The following FBXO21 variants were observed in gnomAD, a reference collection of about 807,000 sequenced individuals.
The protein encoded by FBXO21 is F-box only protein 21.
Under a neutral mutation model 76.6 loss-of-function variants are expected in FBXO21, and 32 were observed. The observed-to-expected ratio is 0.42, with a 90% CI of 0.32 to 0.56. FBXO21 has a LOEUF of 0.56. FBXO21 is among the 20% of genes least tolerant of loss of function. The probability of loss-of-function intolerance (pLI) is 0.16; values close to 1 mark genes in which losing one functional copy is unlikely to be tolerated. For synonymous variants in FBXO21, 328 were observed against 311.5 expected (o/e 1.05, Z -0.56); for missense variants, 586 against 797.3 (o/e 0.73, Z 3.19).
At position 117,155,848 on chromosome 12, in the gene FBXO21, G is replaced by C; in HGVS notation, c.1618C>G (p.His540Asp). 6.2e-7 allele frequency: 1 copy of C among 1,614,216 alleles called. No homozygotes were observed. ...MNVHSLPHGH[H>D]QPFYNVLVED... ...ACCAGCACGTTATAGAAAGGCTGGT[G>C]GTGGCCGTGCGGCAGGCTGTGGACG... is the stretch of plus-strand genomic sequence containing the variant. The change falls in exon 11 of 12, where the codon CAC becomes GAC. Residue 540 changes from histidine to aspartate, a missense_variant. Physicochemically the swap from His to Asp is moderately conservative, Grantham distance 81. Coordinates refer to ENST00000622495, the MANE Select transcript of FBXO21 (RefSeq NM_015002.3).
At chr12:117,184,970 C>G (rs1433672227) in intron 3 of FBXO21, among the ~76,000 whole-genome samples, 1 of 152,004 alleles carries the variant, frequency 6.6e-6, no homozygotes, top group Non-Finnish European at 1.5e-5. Flanking sequence ...AGAATGCAAC[C>G]TGGGCTGTTA....
chr12:117,168,058 T>C (rs1956075634), intron 7 of FBXO21, among the ~76,000 whole-genome samples: 1 of 152,228 alleles, frequency 6.6e-6, no homozygotes, highest in African/African-American at 2.4e-5. Flanking sequence ...TGAGGACTCA[T>C]GGAATCCTCA....
chr12:117,144,834 A>AC lies in FBXO21; in HGVS notation c.*1252dup, dbSNP rs1955750430. ...TCGGAAAGGAGCCAGTGCCGTCCGAACACACGGTCAGGCTTTCCCAGAAGA... is the reference window on the plus strand; with the variant it reads ...TCGGAAAGGAGCCAGTGCCGTCCGAACCACACGGTCAGGCTTTCCCAGAAGA... On this transcript the variant is annotated 3_prime_UTR_variant, in exon 12 of 12. Coordinates refer to ENST00000622495, the MANE Select transcript of FBXO21 (RefSeq NM_015002.3). The AC allele has an allele frequency of 1.3e-5, 2 of 152,154 alleles. No homozygotes were observed. Among genetic ancestry groups the AC allele is most frequent in the Non-Finnish European group, 2.9e-5 (2 of 68,040 alleles). 9.4% of individuals were successfully genotyped at this position (152,154 alleles called of 1,614,324 possible). A position where few individuals can be genotyped will look rare whatever the true frequency, so the allele number is the denominator to read the frequency against.
intron 3 of FBXO21, among the ~76,000 whole-genome samples, chr12:117,178,988 G>A (rs555804735): frequency 6.6e-6 from 1 of 152,180 alleles, no homozygotes; most frequent in Non-Finnish European, 1.5e-5. Flanking sequence ...AACACTTGTT[G>A]AGTGGATAAA....
chr12:117,165,377 T>G (rs761292525), intron 9 of FBXO21, 108 bp downstream of exon 9: 6 of 1,116,776 alleles, frequency 5.4e-6, no homozygotes, highest in African/African-American at 1.6e-5. Context: ...CTGAATAAAT[T>G]TGTGTTTATT....
At position 117,175,534 on chromosome 12, in the gene FBXO21, T is replaced by C. The variant is rs142097303; in HGVS notation, c.593-737A>G. 1.8e-4 allele frequency among the ~76,000 whole-genome samples: 27 copies of C among 152,346 alleles called. No homozygotes were observed. The East Asian group carries it at 5.2e-3, about 29-fold the overall frequency. On this transcript the variant is annotated intron_variant, in intron 4 of 11. Coordinates refer to ENST00000622495, the MANE Select transcript of FBXO21 (RefSeq NM_015002.3). ...AGAGATCTCAGACCAGCTCAGAACC[T>C]GGACTCCCTTACCAATGCTCCAGAG...
At chr12:117,154,593 T>C (rs1460163600) in intron 11 of FBXO21, among the ~76,000 whole-genome samples, 3 of 152,138 alleles carry the variant, frequency 2.0e-5, no homozygotes, top group Admixed American at 2.0e-4. Flanking sequence ...TGCTGTGTTG[T>C]AGCTGGGAAC....
chr12:117,164,274 CTTTTTTTTT>C (rs538169408), intron 9 of FBXO21, among the ~76,000 whole-genome samples: 17 of 126,864 alleles, frequency 1.3e-4, no homozygotes, highest in Non-Finnish European at 5.0e-5. Context: ...CTTTTCTTTT[CTTTTTTTTT>C]TTTTTTTTTT....
chr12:117,181,599 G>GAGTCTGTCTATCTA (rs1555242787), intron 3 of FBXO21, among the ~76,000 whole-genome samples: 9 of 145,662 alleles, frequency 6.2e-5, no homozygotes, highest in Non-Finnish European at 1.4e-4. Flanking sequence ...ATCTGAGACA[G>GAGTCTGTCTATCTA]TCTATCTATC....
intron 3 of FBXO21, among the ~76,000 whole-genome samples, chr12:117,179,637 A>G (rs1300500201): frequency 6.6e-6 from 1 of 152,256 alleles, no homozygotes; most frequent in African/African-American, 2.4e-5. Flanking sequence ...ATTTAGCAAG[A>G]TAATTTCATA....
intron 9 of FBXO21, among the ~76,000 whole-genome samples, chr12:117,164,451 A>AT (rs1956027164): frequency 6.6e-6 from 1 of 151,664 alleles, no homozygotes; most frequent in African/African-American, 2.4e-5. Flanking sequence ...TAATTTTTGT[A>AT]CTTTAGTAGA....
Position 117,174,246 on chromosome 12 carries a change from G to C in FBXO21, c.835C>G (p.Arg279Gly). 1.2e-6 allele frequency: 2 copies of C among 1,613,182 alleles called. No individual in the cohort carries two copies. The highest frequency in any genetic ancestry group is 1.7e-6 in the Non-Finnish European group (2 of 1,179,226). The change falls in exon 6 of 12, where the codon CGA becomes GGA. Residue 279 changes from arginine to glycine, a missense_variant. Arg to Gly is a moderately radical substitution (Grantham distance 125, BLOSUM62 -2). Coordinates refer to ENST00000622495, the MANE Select transcript of FBXO21 (RefSeq NM_015002.3). Reference sequence around the variant, plus strand: ...TTGAGGGCATTATAGTAATCCATTCGATTCCCCTTGAACTTCAGTTGGTCG... The same window carrying C: ...TTGAGGGCATTATAGTAATCCATTCCATTCCCCTTGAACTTCAGTTGGTCG... ...LYDQLKFKGN[R>G]MDYYNALNLY...
At chr12:117,172,404 C>G (rs1163228197) in intron 7 of FBXO21, 67 bp downstream of exon 7, 13 of 1,545,632 alleles carry the variant, frequency 8.4e-6, no homozygotes, top group African/African-American at 2.7e-5. Context: ...TGATGAAAAT[C>G]AGACTGCCTC....
intron 9 of FBXO21, among the ~76,000 whole-genome samples, chr12:117,163,160 C>T (rs1003705230): frequency 6.6e-6 from 1 of 152,208 alleles, no homozygotes; most frequent in African/African-American, 2.4e-5. Context: ...CAGCAAATGT[C>T]AAGATTTCCC....
chr12:117,148,564 A>C (rs1394139070), intron 11 of FBXO21, among the ~76,000 whole-genome samples: 1 of 152,252 alleles, frequency 6.6e-6, no homozygotes, highest in Non-Finnish European at 1.5e-5. Context: ...AGTGGCACAG[A>C]GTTTAAACTG....
At chr12:117,169,216 A>G (rs1448498624) in intron 7 of FBXO21, among the ~76,000 whole-genome samples, 1 of 152,212 alleles carries the variant, frequency 6.6e-6, no homozygotes, top group Non-Finnish European at 1.5e-5. Context: ...GCAAACTAAC[A>G]AAGGAACAGA....
chr12:117,171,797 G>C (rs997231004), intron 7 of FBXO21, among the ~76,000 whole-genome samples: 3 of 152,110 alleles, frequency 2.0e-5, no homozygotes, highest in Non-Finnish European at 4.4e-5. Context: ...CCCCTAAATT[G>C]TAGATTTAAT....
chr12:117,148,353 A>C (rs1955802448), intron 11 of FBXO21, among the ~76,000 whole-genome samples: 1 of 152,208 alleles, frequency 6.6e-6, no homozygotes, highest in Admixed American at 6.5e-5. Context: ...TGCTAGGAAA[A>C]CTGGAAGAGC....
At chr12:117,177,300 C>T (rs1956185598) in intron 4 of FBXO21, among the ~76,000 whole-genome samples, 1 of 152,216 alleles carries the variant, frequency 6.6e-6, no homozygotes, top group Non-Finnish European at 1.5e-5. Flanking sequence ...TTAAAAAACA[C>T]TATTTCTTTA....
Sources: allele counts gnomAD v4.1 joint callset (sites outside exome capture counted in the v4.1 genomes callset), GRCh38; gene constraint gnomAD v4.1.1; transcripts MANE v1.5; gene names NCBI Gene and HGNC (gene_info 2026-07-23, HGNC 2026-07-21).